Variants in TNR observed in about 807,000 individuals in gnomAD.
TNR encodes tenascin-R.
A neutral mutation model predicts 150.4 loss-of-function variants in TNR; 45 were observed. The ratio of observed to expected loss-of-function variants is 0.30; its 90% CI spans 0.24 to 0.38. The LOEUF (loss-of-function observed/expected upper bound fraction) is 0.38, where lower values mean the gene tolerates loss of function less well. TNR is among the 10% of genes least tolerant of loss of function. The pLI, the probability that TNR is intolerant of heterozygous loss-of-function variation, is 1.00. For synonymous variants in TNR, 687 were observed against 678.4 expected (o/e 1.01, Z -0.20); for missense variants, 1,544 against 1,759.1 (o/e 0.88, Z 2.19).
intron 12 of TNR, among the ~76,000 whole-genome samples, chr1:175,364,294 T>C (rs562986661): frequency 2.0e-5 from 3 of 152,138 alleles, no homozygotes; most frequent in South Asian, 4.1e-4. Context: ...AACAAATCCA[T>C]TTTCCTAAAT....
At position 175,579,248 on chromosome 1, in the gene TNR, C is replaced by T. The variant is rs117055829; in HGVS notation, c.-164-50879G>A. Among the ~76,000 whole-genome samples the T allele has an allele frequency of 1.7e-3, 258 of 151,788 alleles. 4 individuals are homozygous for T. The East Asian group carries it at 0.042, about 24-fold the overall frequency. On this transcript the variant is annotated intron_variant, in intron 1 of 22. Transcript: ENST00000367674. The stretch of plus-strand genomic sequence containing the variant: ...TCTTGCCTGCCTACCTGCCTGCCTG[C>T]CTGACTGAATTTAAGATTTGCTAAG...
At chr1:175,606,940 G>A (rs1663427907) in intron 1 of TNR, among the ~76,000 whole-genome samples, 3 of 152,194 alleles carry the variant, frequency 2.0e-5, no homozygotes, top group Admixed American at 1.3e-4. Context: ...TGCCTGAAAT[G>A]TTGCCTTTGC....
intron 2 of TNR, among the ~76,000 whole-genome samples, chr1:175,499,173 A>G (rs1041883527): frequency 6.6e-6 from 1 of 152,232 alleles, no homozygotes; most frequent in African/African-American, 2.4e-5. Context: ...CTTTCCAAAT[A>G]TATACAGAAG....
chr1:175,741,165 A>T (rs1647774921), intron 1 of TNR, among the ~76,000 whole-genome samples: 1 of 152,190 alleles, frequency 6.6e-6, no homozygotes, highest in South Asian at 2.1e-4. Flanking sequence ...ATGGGGAGCA[A>T]TCCATTCCTT....
At chr1:175,341,395 G>A (rs1392185273) in intron 18 of TNR, among the ~76,000 whole-genome samples, 1 of 152,176 alleles carries the variant, frequency 6.6e-6, no homozygotes, top group African/African-American at 2.4e-5. Context: ...TAAGAGAAAA[G>A]CCACAACAAG....
intron 1 of TNR, among the ~76,000 whole-genome samples, chr1:175,534,586 T>C (rs2102182531): frequency 6.6e-6 from 1 of 152,348 alleles, no homozygotes; most frequent in South Asian, 2.1e-4. Flanking sequence ...GTATCCTTTA[T>C]CTAGTGAGCA....
At chr1:175,439,134 G>A (rs1199971765) in intron 2 of TNR, among the ~76,000 whole-genome samples, 3 of 151,570 alleles carry the variant, frequency 2.0e-5, no homozygotes, top group Non-Finnish European at 4.4e-5. Flanking sequence ...ATACTACAAG[G>A]CTACAGTAAC....
chr1:175,638,596 A>G (rs1417227129), intron 1 of TNR, among the ~76,000 whole-genome samples: 3 of 152,218 alleles, frequency 2.0e-5, no homozygotes, highest in Non-Finnish European at 4.4e-5. Flanking sequence ...GGTTGCAGAT[A>G]ACAAGGGCCT....
chr1:175,595,593 C>T (rs1662977167), intron 1 of TNR, among the ~76,000 whole-genome samples: 1 of 152,194 alleles, frequency 6.6e-6, no homozygotes, highest in African/African-American at 2.4e-5. Flanking sequence ...CTGCAACCCT[C>T]AGAAGTACTG....
chr1:175,331,214 CTTCCTTCT>C (rs1237353580), intron 20 of TNR, among the ~76,000 whole-genome samples: 2 of 133,998 alleles, frequency 1.5e-5, no homozygotes, highest in African/African-American at 5.7e-5. Flanking sequence ...TCCTTCCTTC[CTTCCTTCT>C]TTCCTGCCTC....
intron 1 of TNR, among the ~76,000 whole-genome samples, chr1:175,554,163 A>G (rs752526243): frequency 5.3e-5 from 8 of 152,184 alleles, no homozygotes; most frequent in Non-Finnish European, 8.8e-5. Context: ...GAGTGGAGTC[A>G]GAGCTCTGCA....
intron 1 of TNR, among the ~76,000 whole-genome samples, chr1:175,634,156 C>T (rs548647702): frequency 5.9e-5 from 9 of 152,304 alleles, no homozygotes; most frequent in African/African-American, 2.2e-4. Flanking sequence ...AAAACGTTTG[C>T]TGTTTATATC....
intron 1 of TNR, among the ~76,000 whole-genome samples, chr1:175,591,423 T>C (rs757447616): frequency 2.0e-5 from 3 of 152,212 alleles, no homozygotes; most frequent in African/African-American, 7.2e-5. Context: ...AGTGCTTCAA[T>C]TGCTATTATG....
At chr1:175,611,615 T>A (rs1663600456) in intron 1 of TNR, among the ~76,000 whole-genome samples, 1 of 152,218 alleles carries the variant, frequency 6.6e-6, no homozygotes, top group Non-Finnish European at 1.5e-5. Flanking sequence ...ATTACAGGCA[T>A]GAGCCTCTAT....
intron 2 of TNR, among the ~76,000 whole-genome samples, chr1:175,516,970 A>G (rs566173717): frequency 6.7e-6 from 1 of 149,520 alleles, no homozygotes; most frequent in African/African-American, 2.5e-5. Context: ...ACACTTTTTA[A>G]TCCCTGAGAA....
intron 20 of TNR, among the ~76,000 whole-genome samples, chr1:175,332,264 G>A (rs1430862810): frequency 6.6e-6 from 1 of 152,148 alleles, no homozygotes. Context: ...TTGTCTAAGT[G>A]GTGACCAGCT....
At chr1:175,521,304 T>C (rs139958746) in intron 2 of TNR, among the ~76,000 whole-genome samples, 37 of 152,272 alleles carry the variant, frequency 2.4e-4, no homozygotes, top group Non-Finnish European at 4.9e-4. Context: ...CTTCTGAGGG[T>C]TCTTTACACC....
intron 14 of TNR, among the ~76,000 whole-genome samples, chr1:175,361,379 G>A (rs990291254): frequency 6.6e-6 from 1 of 152,114 alleles, no homozygotes; most frequent in Non-Finnish European, 1.5e-5. Flanking sequence ...GCTTCTTTTG[G>A]TGTATTGGAC....
intron 1 of TNR, among the ~76,000 whole-genome samples, chr1:175,568,316 T>C (rs1017684634): frequency 1.3e-5 from 2 of 152,222 alleles, no homozygotes; most frequent in Admixed American, 6.5e-5. Flanking sequence ...GTTTTTTTTT[T>C]TCTTTTTCCT....
Sources: allele counts gnomAD v4.1 joint callset (sites outside exome capture counted in the v4.1 genomes callset), GRCh38; gene constraint gnomAD v4.1.1; transcripts MANE v1.5; gene names NCBI Gene and HGNC (gene_info 2026-07-23, HGNC 2026-07-21).